Variants in ZMAT1 observed in about 807,000 individuals in gnomAD.
ZMAT1 encodes the protein zinc finger matrin-type protein 1.
A neutral mutation model predicts 18.5 loss-of-function variants in ZMAT1; 11 were observed. That is an observed-to-expected ratio of 0.59 (90% CI 0.37 to 0.98). The LOEUF (loss-of-function observed/expected upper bound fraction) is 0.98. ZMAT1 is among the 50% of genes least tolerant of loss of function. The pLI, the probability that ZMAT1 is intolerant of heterozygous loss-of-function variation, is 0.01. For synonymous variants in ZMAT1, 211 were observed against 176.4 expected (o/e 1.20, Z -1.55); for missense variants, 525 against 496.2 (o/e 1.06, Z -0.55).
intron 1 of ZMAT1, among the ~76,000 whole-genome samples, chrX:101,924,128 T>C (rs1386980733): frequency 1.8e-5 from 2 of 111,593 alleles, no homozygotes; most frequent in Non-Finnish European, 3.8e-5. Context: ...TTTTTGTTTT[T>C]TGAGATGAAG....
At chrX:101,930,290 T>C (rs1019605147) in intron 1 of ZMAT1, among the ~76,000 whole-genome samples, 2 of 112,212 alleles carry the variant, frequency 1.8e-5, no homozygotes, top group Non-Finnish European at 3.8e-5. Context: ...AAGGTTGATA[T>C]AAATTTTTAA....
At chrX:101,926,417 TGA>T (rs928655778) in intron 1 of ZMAT1, among the ~76,000 whole-genome samples, 4 of 112,520 alleles carry the variant, frequency 3.6e-5, no homozygotes, top group African/African-American at 1.3e-4. Flanking sequence ...AAAGTGCAGC[TGA>T]GTGTGAAATC....
intron 2 of ZMAT1, among the ~76,000 whole-genome samples, chrX:101,899,051 A>C (rs1928039650): frequency 9.0e-6 from 1 of 111,155 alleles, no homozygotes; most frequent in East Asian, 2.8e-4. Flanking sequence ...CTCAAAAAAA[A>C]AATGCCTAGG....
chrX:101,907,410 G>A lies in ZMAT1; in HGVS notation c.293-3080C>T, dbSNP rs757584662. Among the ~76,000 whole-genome samples, 18 of 112,477 alleles carry A rather than the reference G, an allele frequency of 1.6e-4. No individual in the cohort carries two copies. The South Asian group carries it at 2.9e-3, about 18-fold the overall frequency. On this transcript the variant is annotated intron_variant, in intron 1 of 5. Coordinates refer to ENST00000651725, the MANE Select transcript of ZMAT1 (RefSeq NM_001394560.1). ...AGGGATCATACCAGATGGCCTGCCC[G>A]GGAATCTCTGGATGGGCTGACTGGT...
chrX:101,922,104 T>G (rs1311780813), intron 1 of ZMAT1, among the ~76,000 whole-genome samples: 2 of 111,432 alleles, frequency 1.8e-5, no homozygotes, highest in East Asian at 5.6e-4. Flanking sequence ...TTTTTGGATC[T>G]TCTAGAATCT....
At chrX:101,886,553 T>C (rs1926960864) in intron 5 of ZMAT1, 79 bp downstream of exon 5, 1 of 697,289 alleles carries the variant, frequency 1.4e-6, no homozygotes, top group East Asian at 3.3e-5. Flanking sequence ...CCTAAGAAGT[T>C]TGTAAAATAC....
chrX:101,924,023 A>G (rs1398472850), intron 1 of ZMAT1, among the ~76,000 whole-genome samples: 1 of 112,286 alleles, frequency 8.9e-6, no homozygotes, highest in Non-Finnish European at 1.9e-5. Flanking sequence ...TTTCTAGCCT[A>G]GAATTTTTCA....
chrX:101,883,686 T>C lies in ZMAT1; in HGVS notation c.1912A>G (p.Arg638Gly). The C allele has an allele frequency of 8.3e-7, 1 of 1,208,798 alleles. No individual in the cohort carries two copies. The highest frequency in any genetic ancestry group is 1.1e-6 in the Non-Finnish European group (1 of 894,836). The change falls in exon 6 of 6, where the codon AGA becomes GGA. Residue 638 changes from arginine to glycine, a missense_variant. By Grantham distance (125) the Arg-to-Gly change is moderately radical. Coordinates refer to ENST00000651725, the MANE Select transcript of ZMAT1 (RefSeq NM_001394560.1). Reference sequence around the variant, plus strand: ...CTGACCTTGACTCTATCCTCCTCTCTTTTCCTTTGTCTGATGCTCTTGTCT... The same window carrying C: ...CTGACCTTGACTCTATCCTCCTCTCCTTTCCTTTGTCTGATGCTCTTGTCT... ...DKDKSIRQRK[R>G]EEDRVKVSSG... is the part of the protein sequence containing the mutation.
chrX:101,921,487 G>A (rs1293470413), intron 1 of ZMAT1, among the ~76,000 whole-genome samples: 1 of 111,424 alleles, frequency 9.0e-6, no homozygotes, highest in Admixed American at 9.5e-5. Flanking sequence ...AGTGTTATTA[G>A]TTTGCCTAAA....
intron 4 of ZMAT1, among the ~76,000 whole-genome samples, chrX:101,895,262 T>C (rs1199561680): frequency 9.0e-6 from 1 of 111,314 alleles, no homozygotes; most frequent in Admixed American, 9.6e-5. Context: ...ACATACTTAG[T>C]AAGAATGATA....
At chrX:101,907,952 C>T (rs761750798) in intron 1 of ZMAT1, among the ~76,000 whole-genome samples, 2 of 111,565 alleles carry the variant, frequency 1.8e-5, no homozygotes, top group South Asian at 3.7e-4. Flanking sequence ...AGATAGAAAC[C>T]GTTGAAGATA....
intron 1 of ZMAT1, among the ~76,000 whole-genome samples, chrX:101,907,656 T>TA (rs1323084190): frequency 8.9e-6 from 1 of 111,807 alleles, no homozygotes; most frequent in African/African-American, 3.3e-5. Flanking sequence ...TTCAAAAAAA[T>TA]AGAGAATTTA....
intron 1 of ZMAT1, 97 bp downstream of exon 1, chrX:101,931,620 G>T: frequency 1.4e-6 from 1 of 715,582 alleles, no homozygotes; most frequent in Non-Finnish European, 1.7e-6. Flanking sequence ...GGTGGGGGTG[G>T]GGCAGTGGCG....
At chrX:101,928,076 A>G (rs191664766) in intron 1 of ZMAT1, among the ~76,000 whole-genome samples, 1 of 112,475 alleles carries the variant, frequency 8.9e-6, no homozygotes, top group Non-Finnish European at 1.9e-5. Flanking sequence ...CTGTGCCTGT[A>G]GTATATAAAA....
chrX:101,924,968 C>T (rs893695816), intron 1 of ZMAT1, among the ~76,000 whole-genome samples: 10 of 111,622 alleles, frequency 9.0e-5, no homozygotes, highest in African/African-American at 2.6e-4. Context: ...GTAGTTAATG[C>T]CACTGAATTT....
intron 4 of ZMAT1, chrX:101,895,781 G>A: frequency 1.4e-6 from 1 of 722,285 alleles, no homozygotes; most frequent in Non-Finnish European, 1.6e-6. Flanking sequence ...TCACTGCTGG[G>A]AGAGGAAGGC....
At chrX:101,931,436 T>C (rs1212230991) in intron 1 of ZMAT1, 1 of 752,234 alleles carries the variant, frequency 1.3e-6, no homozygotes, top group East Asian at 1.5e-4. Flanking sequence ...GGTATTTTTT[T>C]TTCCCTTCAA....
At chrX:101,904,116 C>A in intron 2 of ZMAT1, 108 bp downstream of exon 2, 1 of 523,138 alleles carries the variant, frequency 1.9e-6, no homozygotes, top group Non-Finnish European at 3.0e-6. Context: ...AATACTACTA[C>A]CTTTTTCACA....
Position 101,916,621 on chromosome X carries a change from T to C in ZMAT1, c.293-12291A>G, listed in dbSNP as rs762161717. Among the ~76,000 whole-genome samples the C allele has an allele frequency of 1.3e-4, 15 of 111,384 alleles. No individual in the cohort carries two copies. The East Asian group carries it at 3.7e-3, about 27-fold the overall frequency. On this transcript the variant is annotated intron_variant, in intron 1 of 5. Transcript: ENST00000651725. Reference sequence around the variant, plus strand: ...AATCTCCATAGGACCCAAAGCAATCTACAGATTCAAAGCAATCCCTATCAA... The same window carrying C: ...AATCTCCATAGGACCCAAAGCAATCCACAGATTCAAAGCAATCCCTATCAA...
Sources: allele counts gnomAD v4.1 joint callset (sites outside exome capture counted in the v4.1 genomes callset), GRCh38; gene constraint gnomAD v4.1.1; transcripts MANE v1.5; gene names NCBI Gene and HGNC (gene_info 2026-07-23, HGNC 2026-07-21).